Variants in ANK2 observed in about 807,000 individuals in gnomAD.
ANK2 encodes ankyrin 2.
In ANK2, 83 loss-of-function variants were observed where a neutral mutation model predicts 360.5. That is an observed-to-expected ratio of 0.23 (90% CI 0.19 to 0.28). The LOEUF (loss-of-function observed/expected upper bound fraction) is 0.28. Ranked by LOEUF, ANK2 falls within the 10% of genes least tolerant of loss-of-function variation. The pLI, the probability that ANK2 is intolerant of heterozygous loss-of-function variation, is 1.00. For missense variants in ANK2, 4,201 were observed against 4,795.7 expected (o/e 0.88, Z 3.66); for synonymous variants, 1,740 against 1,759.5 (o/e 0.99, Z 0.28).
intron 2 of ANK2, among the ~76,000 whole-genome samples, chr4:112,971,224 A>G (rs549367316): frequency 6.6e-6 from 1 of 152,336 alleles, no homozygotes; most frequent in East Asian, 1.9e-4. Context: ...ATTATTGCTG[A>G]ATTAGATGTA....
upstream of ANK2, among the ~76,000 whole-genome samples, chr4:112,813,602 C>T (rs1054365169): frequency 3.3e-5 from 5 of 152,026 alleles, no homozygotes; most frequent in African/African-American, 2.4e-5. Flanking sequence ...GTGGCGTGAT[C>T]ATGGCTCACT....
rs893617495 is a variant in ANK2, at chr4:113,350,105, C to T, written c.4405-123C>T. 7 of 821,220 alleles carry T rather than the reference C, an allele frequency of 8.5e-6. No individual in the cohort carries two copies. The African/African-American group carries it at 1.2e-4, about 14-fold the overall frequency. The allele number at this position is 821,220 out of a possible 1,614,324, so 50.9% of individuals were successfully genotyped here. Reference sequence around the variant, plus strand: ...GAAAAAATGTAGCAAATTACTCTGACCTTCCTATAGCTATGGTGTCACCCA... The same window carrying T: ...GAAAAAATGTAGCAAATTACTCTGATCTTCCTATAGCTATGGTGTCACCCA... On this transcript the variant is annotated intron_variant, in intron 36 of 45. Coordinates refer to ENST00000357077, the MANE Select transcript of ANK2 (RefSeq NM_001148.6).
chr4:112,751,805 G>C, the ANK2 span, among the ~76,000 whole-genome samples: 1 of 152,206 alleles, frequency 6.6e-6, no homozygotes, highest in Non-Finnish European at 1.5e-5. Flanking sequence ...AAGGACTTAA[G>C]AAGTGGGGGA....
chr4:113,174,749 T>A (rs1387746730), intron 2 of ANK2, among the ~76,000 whole-genome samples: 1 of 152,212 alleles, frequency 6.6e-6, no homozygotes, highest in Non-Finnish European at 1.5e-5. Flanking sequence ...ATGTCAATTT[T>A]GTTTGTGAAA....
intron 5 of ANK2, 33 bp from the exon 6 acceptor site, chr4:113,236,954 T>G: frequency 6.2e-7 from 1 of 1,606,744 alleles, no homozygotes. Flanking sequence ...TCTGAAGATG[T>G]TAACAGACAA....
intron 2 of ANK2, among the ~76,000 whole-genome samples, chr4:113,024,515 G>A (rs879036863): frequency 6.6e-6 from 1 of 151,960 alleles, no homozygotes; most frequent in Non-Finnish European, 1.5e-5. Flanking sequence ...CACTGTCAAG[G>A]GAATACTTCT....
chr4:113,168,587 C>T (rs4833422), intron 1 of ANK2, among the ~76,000 whole-genome samples: 23,856 of 152,084 alleles, frequency 0.16, 2,106 homozygotes, highest in African/African-American at 0.24. Flanking sequence ...ATGTTTGAGC[C>T]AGAGTGTACA....
At chr4:112,932,068 G>A (rs1348885189) in intron 2 of ANK2, among the ~76,000 whole-genome samples, 1 of 152,186 alleles carries the variant, frequency 6.6e-6, no homozygotes, top group Admixed American at 6.5e-5. Flanking sequence ...AAGTGCAAGA[G>A]ACAGCCTTTA....
chr4:113,076,215 C>CA (rs1234321341), intron 1 of ANK2, among the ~76,000 whole-genome samples: 3 of 152,128 alleles, frequency 2.0e-5, no homozygotes, highest in Non-Finnish European at 2.9e-5. Flanking sequence ...AAAAGTACTG[C>CA]AAAAAAATCT....
chr4:112,746,906 A>G, the ANK2 span, among the ~76,000 whole-genome samples: 11 of 152,330 alleles, frequency 7.2e-5, no homozygotes, highest in Non-Finnish European at 2.9e-5. Context: ...CAAATATCCA[A>G]TTTTAAGCAG....
chr4:112,919,141 TTC>T (rs1456979852), intron 2 of ANK2, among the ~76,000 whole-genome samples: 1 of 152,188 alleles, frequency 6.6e-6, no homozygotes, highest in African/African-American at 2.4e-5. Context: ...TAATATTGTC[TTC>T]CAGCTTTAGC....
Position 112,822,744 on chromosome 4 carries a change from C to CAA in ANK2, c.-40+4490_-40+4491dup, listed in dbSNP as rs34963478. On this transcript the variant is annotated intron_variant, in intron 1 of 30. Transcript: ENST00000503271. ...TGGGTGACAGAGTGTAACCCTGTCT[C>CAA]AAAAAAAAAAACCTGAAATAATAAA... 6.8e-3 allele frequency among the ~76,000 whole-genome samples: 938 copies of CAA among 137,544 alleles called. 8 individuals carry two copies. Among genetic ancestry groups the CAA allele is most frequent in the Non-Finnish European group, 0.01 (650 of 63,112 alleles). 90.2% of individuals were successfully genotyped at this position (137,544 alleles called of 152,430 possible). A position where few individuals can be genotyped will look rare whatever the true frequency, so the allele number is the denominator to read the frequency against.
At chr4:113,143,163 G>A (rs2096702648) in intron 1 of ANK2, among the ~76,000 whole-genome samples, 1 of 152,086 alleles carries the variant, frequency 6.6e-6, no homozygotes, top group South Asian at 2.1e-4. Flanking sequence ...GAGAAAACAG[G>A]TATATCTTGT....
At position 113,278,555 on chromosome 4, in the gene ANK2, C is replaced by G; in HGVS notation, c.1878C>G (p.Ala626=). The G allele has an allele frequency of 6.2e-7, 1 of 1,613,650 alleles. No individual in the cohort carries two copies. The change falls in exon 17 of 46, where the codon GCC becomes GCG. Residue 626 remains alanine (A), a synonymous_variant. Coordinates refer to ENST00000357077, the MANE Select transcript of ANK2 (RefSeq NM_001148.6). ...AGGGTGCTTCCCCTCATGCCACTGC[C>G]AAGGTGAGGACCACAGAAAAGGATT... is the stretch of plus-strand genomic sequence containing the variant. ...LEKGASPHAT[A]KNGYTPLHIA... is the part of the protein sequence containing the mutation.
intron 2 of ANK2, among the ~76,000 whole-genome samples, chr4:112,936,441 G>A (rs1351237635): frequency 2.0e-5 from 3 of 151,902 alleles, no homozygotes; most frequent in Admixed American, 6.6e-5. Context: ...CGCCTCCGGC[G>A]TTCAAGCGAT....
intron 1 of ANK2, among the ~76,000 whole-genome samples, chr4:113,166,338 T>C (rs897444151): frequency 6.6e-6 from 1 of 152,126 alleles, no homozygotes; most frequent in African/African-American, 2.4e-5. Context: ...TAAGTCACAC[T>C]TCTATTATGT....
chr4:113,067,671 G>A (rs952836350), intron 1 of ANK2, among the ~76,000 whole-genome samples: 4 of 152,210 alleles, frequency 2.6e-5, no homozygotes, highest in African/African-American at 9.6e-5. Flanking sequence ...CTTCAGGTTG[G>A]AGGCAAAGAA....
chr4:112,743,922 G>A, the ANK2 span, among the ~76,000 whole-genome samples: 3 of 150,422 alleles, frequency 2.0e-5, no homozygotes, highest in African/African-American at 4.9e-5. Flanking sequence ...TCTGCCTGCC[G>A]GGTTCATCCA....
intron 2 of ANK2, among the ~76,000 whole-genome samples, chr4:112,937,350 A>C: frequency 6.8e-6 from 1 of 146,274 alleles, no homozygotes; most frequent in African/African-American, 2.6e-5. Context: ...TTTTTGAGAC[A>C]CAGTCTTGCT....
Sources: gnomAD v4.1 joint callset for allele counts (sites outside exome capture counted in the v4.1 genomes callset) on GRCh38, gnomAD v4.1.1 for gene constraint, MANE v1.5 for transcripts, NCBI Gene and HGNC (gene_info 2026-07-23, HGNC 2026-07-21) for gene names.